The following ETHE1 variants were observed in gnomAD, a reference collection of about 807,000 sequenced individuals.
ETHE1 encodes ETHE1 persulfide dioxygenase, also known as persulfide dioxygenase ETHE1, mitochondrial.
A neutral mutation model predicts 25.7 loss-of-function variants in ETHE1; 16 were observed. The observed-to-expected ratio is 0.62, with a 90% CI of 0.42 to 0.95. ETHE1 has a LOEUF of 0.95. ETHE1 is among the 40% of genes least tolerant of loss of function. The pLI is 0.00. For missense variants in ETHE1, 300 were observed against 333.6 expected (o/e 0.90, Z 0.79); for synonymous variants, 139 against 135.9 (o/e 1.02, Z -0.16).
In ETHE1 at chr19:43,506,935, G is replaced by A. The variant is rs201943705; in HGVS notation, c.713-33C>T. 14 of 1,612,454 alleles carry A rather than the reference G, an allele frequency of 8.7e-6. No homozygotes were observed. The East Asian group carries it at 2.2e-4, about 26-fold the overall frequency. On this transcript the variant is annotated intron_variant, in intron 6 of 6. Transcript: ENST00000292147. ...GAAGAAATCAAGGTTAAAACTAAGG[G>A]GCCTAGGTAGAGTTCCAGGCCCCAC...
intron 3 of ETHE1, among the ~76,000 whole-genome samples, chr19:43,519,402 C>CA (rs978277056): frequency 6.6e-6 from 1 of 152,088 alleles, no homozygotes; most frequent in Non-Finnish European, 1.5e-5. Context: ...GAACATATAA[C>CA]ATCTTGACCT....
rs368612490 is a variant in ETHE1, at chr19:43,507,393, CTCCTCCTCCCCCAGT to C, written c.713-506_713-492del. 2.5e-3 allele frequency among the ~76,000 whole-genome samples: 113 copies of C among 45,550 alleles called. 10 individuals carry two copies. The highest frequency in any genetic ancestry group is 5.1e-3 in the East Asian group (6 of 1,186). 29.9% of individuals were successfully genotyped at this position (45,550 alleles called of 152,430 possible). On this transcript the variant is annotated intron_variant, in intron 6 of 6. Coordinates refer to ENST00000292147, the MANE Select transcript of ETHE1 (RefSeq NM_014297.5). ...CAGACCCAGGAGTCCAGGCCCCCAG[CTCCTCCTCCCCCAGT>C]CCCTCCTCCCTCAGACCCAGGAGCC...
chr19:43,514,620 G>A (rs1249508578), intron 3 of ETHE1, among the ~76,000 whole-genome samples: 2 of 151,658 alleles, frequency 1.3e-5, no homozygotes, highest in African/African-American at 4.9e-5. Context: ...TGAGTAGCTG[G>A]GATTACAGGC....
chr19:43,509,795 C>CA (rs926150618), intron 4 of ETHE1, among the ~76,000 whole-genome samples: 1 of 151,592 alleles, frequency 6.6e-6, no homozygotes, highest in Non-Finnish European at 1.5e-5. Flanking sequence ...GACTCCGTCT[C>CA]AAAAAAAAGA....
At chr19:43,526,959 G>A in intron 1 of ETHE1, 138 bp downstream of exon 1, 1 of 1,526,544 alleles carries the variant, frequency 6.6e-7, no homozygotes, top group Non-Finnish European at 8.8e-7. Flanking sequence ...CAAGAGTCCA[G>A]CCCTAAACCT....
chr19:43,513,668 G>A (rs1599994544), intron 3 of ETHE1, among the ~76,000 whole-genome samples: 1 of 151,832 alleles, frequency 6.6e-6, no homozygotes, highest in African/African-American at 2.4e-5. Flanking sequence ...GATTTTACAG[G>A]CCCATAGGTG....
chr19:43,516,579 T>C lies in ETHE1; in HGVS notation c.376-5013A>G, dbSNP rs186220180. Among the ~76,000 whole-genome samples, 11 of 151,204 alleles carry C rather than the reference T, an allele frequency of 7.3e-5. No individual in the cohort carries two copies. In the Admixed American group the frequency reaches 7.3e-4, roughly 10 times the overall value. ...CCTCCCAAAATGCTGGGATTACAGG[T>C]GTGAGTCAGCCACCATGCCTGGCTT... On this transcript the variant is annotated intron_variant, in intron 3 of 6. Transcript: ENST00000292147.
Position 43,507,966 on chromosome 19 carries a change from G to A in ETHE1, c.690C>T (p.Asn230=). 1 of 1,614,124 alleles carries A rather than the reference G, an allele frequency of 6.2e-7. No homozygotes were observed. Among genetic ancestry groups the A allele is most frequent in the Non-Finnish European group, 8.5e-7 (1 of 1,180,028 alleles). Reference sequence around the variant, plus strand: ...CACCTATCTGCTGAGGTTTAGGCAAGTTCAGGTTGCCCATGATTTTGACAA... The same window carrying A: ...CACCTATCTGCTGAGGTTTAGGCAAATTCAGGTTGCCCATGATTTTGACAA... ...EEFVKIMGNL[N]LPKPQQIDFA... The change falls in exon 6 of 7, where the codon AAC becomes AAT. Residue 230 remains asparagine, a synonymous_variant. Transcript: ENST00000292147.
rs375518495 is a variant in ETHE1 at position 43,513,176 on chromosome 19, G to A, written c.376-1610C>T. ...GATGTCCAGGCAGAGGTGTGCTGCAGGGGTGAAGCCTTCATAGGGAACCTC... is the reference window on the plus strand; with the variant it reads ...GATGTCCAGGCAGAGGTGTGCTGCAAGGGTGAAGCCTTCATAGGGAACCTC... On this transcript the variant is annotated intron_variant, in intron 3 of 6. Coordinates refer to ENST00000292147, the MANE Select transcript of ETHE1 (RefSeq NM_014297.5). 1.5e-3 allele frequency among the ~76,000 whole-genome samples: 227 copies of A among 152,332 alleles called. 3 individuals are homozygous for A. The highest frequency in any genetic ancestry group is 6.8e-3 in the Middle Eastern group (2 of 294).
chr19:43,525,551 G>A (rs1315976844), intron 3 of ETHE1: 2 of 153,242 alleles, frequency 1.3e-5, no homozygotes, highest in Non-Finnish European at 2.9e-5. Context: ...CTTCGGCCTG[G>A]TTGCAATTCT....
chr19:43,511,632 A>T, intron 3 of ETHE1, 66 bp from the exon 4 acceptor site: 2 of 1,581,574 alleles, frequency 1.3e-6, no homozygotes, highest in Non-Finnish European at 1.7e-6. Context: ...TGGCCCCCAA[A>T]GCCCCACCCT....
At chr19:43,520,629 G>A (rs544631566) in intron 3 of ETHE1, among the ~76,000 whole-genome samples, 1 of 152,048 alleles carries the variant, frequency 6.6e-6, no homozygotes, top group Admixed American at 6.6e-5. Flanking sequence ...TGAGCCAGGA[G>A]GTTGAGGCTG....
chr19:43,526,206 G>T lies in ETHE1; in HGVS notation c.370C>A (p.Arg124Ser). Residue 124 changes from arginine (R) to serine (S), a missense_variant, in exon 3 of 7, where the codon CGC becomes AGC. Coordinates refer to ENST00000292147, the MANE Select transcript of ETHE1 (RefSeq NM_014297.5). ...IEDGDSIRFG[R>S]FALETRASPG... ...GGACCCAGCACCCAACTCACGAAGC[G>T]CCCGAAGCGGATGGAGTCTCCATCC... The T allele has an allele frequency of 5.0e-6, 8 of 1,614,128 alleles. No homozygotes were observed. The highest frequency in any genetic ancestry group is 6.8e-6 in the Non-Finnish European group (8 of 1,180,022).
intron 3 of ETHE1, among the ~76,000 whole-genome samples, chr19:43,525,340 C>T (rs1172123045): frequency 6.6e-6 from 1 of 152,162 alleles, no homozygotes; most frequent in Non-Finnish European, 1.5e-5. Context: ...CCACACACAG[C>T]CCTCATTTCC....
chr19:43,518,531 G>C (rs1315384740), intron 3 of ETHE1, among the ~76,000 whole-genome samples: 1 of 151,848 alleles, frequency 6.6e-6, no homozygotes, highest in African/African-American at 2.4e-5. Flanking sequence ...CGGATCACGA[G>C]GTCAGGAGAT....
rs1480478625 is a variant in ETHE1 at position 43,526,654 on chromosome 19, G to C, written c.87C>G (p.Phe29Leu). Residue 29 changes from phenylalanine (F) to leucine (L), a missense_variant, in exon 2 of 7, where the codon TTC becomes TTG. Coordinates refer to ENST00000292147, the MANE Select transcript of ETHE1 (RefSeq NM_014297.5). Reference protein sequence around the residue: ...SGAPILLRQMFEPVSCTFTYL... With the variant: ...SGAPILLRQMLEPVSCTFTYL... ...ACGTGAAGGTGCAGCTCACAGGCTCGAACATCTGGGAACGGGGGACCCAGG... is the reference window on the plus strand; with the variant it reads ...ACGTGAAGGTGCAGCTCACAGGCTCCAACATCTGGGAACGGGGGACCCAGG... The C allele has an allele frequency of 1.9e-6, 3 of 1,613,276 alleles. No homozygotes were observed. The highest frequency in any genetic ancestry group is 2.2e-5 in the South Asian group (2 of 91,046).
chr19:43,523,187 T>C (rs1240047213), intron 3 of ETHE1, among the ~76,000 whole-genome samples: 1 of 152,246 alleles, frequency 6.6e-6, no homozygotes, highest in African/African-American at 2.4e-5. Flanking sequence ...GGGCAAGTTC[T>C]GTATCGGGAT....
At chr19:43,515,350 G>A (rs540032045) in intron 3 of ETHE1, among the ~76,000 whole-genome samples, 1 of 151,024 alleles carries the variant, frequency 6.6e-6, no homozygotes, top group South Asian at 2.1e-4. Context: ...CCGGGAGGCG[G>A]AGGTTGCAGT....
At chr19:43,519,903 A>G (rs1297563117) in intron 3 of ETHE1, among the ~76,000 whole-genome samples, 2 of 152,132 alleles carry the variant, frequency 1.3e-5, no homozygotes, top group African/African-American at 4.8e-5. Context: ...ATAAATCAAT[A>G]ATAACTAATA....
Sources: gnomAD v4.1 joint callset for allele counts (sites outside exome capture counted in the v4.1 genomes callset) on GRCh38, gnomAD v4.1.1 for gene constraint, MANE v1.5 for transcripts, NCBI Gene and HGNC (gene_info 2026-07-23, HGNC 2026-07-21) for gene names.